The following ADAM22 variants were observed in gnomAD, a reference collection of about 807,000 sequenced individuals.
ADAM22 encodes the protein ADAM metallopeptidase domain 22, also known as disintegrin and metalloproteinase domain-containing protein 22.
A neutral mutation model predicts 144.6 loss-of-function variants in ADAM22; 65 were observed. The ratio of observed to expected loss-of-function variants is 0.45; its 90% confidence interval spans 0.37 to 0.55. The LOEUF (loss-of-function observed/expected upper bound fraction) is 0.55. ADAM22 is among the 20% of genes least tolerant of loss of function. The pLI, the probability that ADAM22 is intolerant of heterozygous loss-of-function variation, is 0.00. For missense variants in ADAM22, 974 were observed against 1,184.9 expected, an observed-to-expected ratio of 0.82 and a Z score of 2.61; for synonymous variants, 391 against 412.6, an observed-to-expected ratio of 0.95 and a Z score of 0.63.
intron 2 of ADAM22, among the ~76,000 whole-genome samples, chr7:87,939,538 C>T (rs1842044821): frequency 6.6e-6 from 1 of 152,150 alleles, no homozygotes; most frequent in South Asian, 2.1e-4. Context: ...TACTTTAGTT[C>T]ACTAGTAAAT....
At chr7:88,166,826 C>T (rs144105744) in intron 24 of ADAM22, among the ~76,000 whole-genome samples, 276 of 152,064 alleles carry the variant, frequency 1.8e-3, no homozygotes, top group Non-Finnish European at 3.0e-3. Flanking sequence ...ATTTAAATGA[C>T]GTGTCAAAAG....
intron 3 of ADAM22, among the ~76,000 whole-genome samples, chr7:87,984,814 G>A (rs1329130111): frequency 1.3e-5 from 2 of 151,880 alleles, no homozygotes; most frequent in East Asian, 1.9e-4. Context: ...CTGAGTAGCT[G>A]GGACTACAGG....
At chr7:88,050,061 A>C (rs1194650309) in intron 3 of ADAM22, among the ~76,000 whole-genome samples, 1 of 151,808 alleles carries the variant, frequency 6.6e-6, no homozygotes, top group East Asian at 1.9e-4. Context: ...TAATAAATAT[A>C]ATGTAAATTT....
At chr7:88,165,766 G>T in intron 23 of ADAM22, 66 bp from the exon 24 acceptor site, 2 of 1,063,722 alleles carry the variant, frequency 1.9e-6, no homozygotes. Context: ...TAAGAAATTA[G>T]TGTTTATTTT....
intron 5 of ADAM22, among the ~76,000 whole-genome samples, chr7:88,109,745 AC>A (rs1825525335): frequency 6.6e-6 from 1 of 151,728 alleles, no homozygotes; most frequent in Non-Finnish European, 1.5e-5. Flanking sequence ...AAAAAAAAAA[AC>A]AAAACTGGGA....
At chr7:88,044,707 A>G (rs981129986) in intron 3 of ADAM22, among the ~76,000 whole-genome samples, 1 of 151,434 alleles carries the variant, frequency 6.6e-6, no homozygotes, top group Non-Finnish European at 1.5e-5. Flanking sequence ...CGGTCTCCCA[A>G]AGTGCTGGGA....
chr7:88,185,668 T>C (rs749437848), intron 29 of ADAM22, among the ~76,000 whole-genome samples: 1 of 152,188 alleles, frequency 6.6e-6, no homozygotes, highest in African/African-American at 2.4e-5. Flanking sequence ...GTATTTTTGC[T>C]TGGCTCCCAG....
At chr7:88,114,075 A>G (rs58485074) in intron 5 of ADAM22, among the ~76,000 whole-genome samples, 3,353 of 152,170 alleles carry the variant, frequency 0.022, 136 homozygotes, top group African/African-American at 0.077. Flanking sequence ...AGTGTAAAGT[A>G]TTTAGCTTGT....
intron 3 of ADAM22, among the ~76,000 whole-genome samples, chr7:88,051,236 A>G (rs186905079): frequency 0.03 from 4,527 of 152,328 alleles, 218 homozygotes; most frequent in African/African-American, 0.1. Context: ...ATGCTGCTAT[A>G]AAGACACATG....
intron 25 of ADAM22, 101 bp downstream of exon 25, chr7:88,168,328 C>A: frequency 8.3e-7 from 1 of 1,203,448 alleles, no homozygotes; most frequent in Non-Finnish European, 1.2e-6. Context: ...GTTGAATATA[C>A]TTGCAATGAA....
Position 88,199,455 on chromosome 7 carries a change from A to G in ADAM22, c.*2964A>G, listed in dbSNP as rs1329821775. Reference sequence around the variant, plus strand: ...GTCTCTCCAGTAAGTGTGAACAGGAAGGCATGGGATAGAAGAGAGTCCTTA... The same window carrying G: ...GTCTCTCCAGTAAGTGTGAACAGGAGGGCATGGGATAGAAGAGAGTCCTTA... On this transcript the variant is annotated 3_prime_UTR_variant, in exon 32 of 32. Coordinates refer to ENST00000413139, the MANE Select transcript of ADAM22 (RefSeq NM_001324418.2). 6.6e-6 allele frequency: 1 copy of G among 152,244 alleles called. No individual in the cohort carries two copies. Among genetic ancestry groups the G allele is most frequent in the African/African-American group, 2.4e-5 (1 of 41,456 alleles). The allele number at this position is 152,244 out of a possible 1,614,324, so 9.4% of individuals were successfully genotyped here.
At chr7:88,073,275 C>CT (rs1293106143) in intron 3 of ADAM22, among the ~76,000 whole-genome samples, 6 of 152,082 alleles carry the variant, frequency 3.9e-5, no homozygotes, top group South Asian at 2.1e-4. Context: ...AAATACAAGG[C>CT]TTTTTTTCTT....
chr7:87,972,633 C>T (rs937436251), intron 2 of ADAM22, among the ~76,000 whole-genome samples: 4 of 152,184 alleles, frequency 2.6e-5, no homozygotes, highest in African/African-American at 4.8e-5. Context: ...CAAGTCAATC[C>T]TAAGCCAAAA....
At chr7:87,982,701 T>TATATATATATATATAA (rs1554373733) in intron 3 of ADAM22, among the ~76,000 whole-genome samples, 601 of 33,514 alleles carry the variant, frequency 0.018, 13 homozygotes, top group African/African-American at 0.025. Flanking sequence ...ATATATATAA[T>TATATATATATATATAA]TTTTTTTTTT....
chr7:87,997,432 A>G (rs1430354275), intron 3 of ADAM22, among the ~76,000 whole-genome samples: 2 of 152,284 alleles, frequency 1.3e-5, no homozygotes, highest in African/African-American at 4.8e-5. Flanking sequence ...GTCTGGGTAC[A>G]GTGAAGCTCA....
At chr7:87,936,464 A>G (rs1236084069) in intron 2 of ADAM22, among the ~76,000 whole-genome samples, 3 of 152,188 alleles carry the variant, frequency 2.0e-5, no homozygotes, top group Non-Finnish European at 4.4e-5. Context: ...TTTCTGTGGA[A>G]GGATATTTTC....
At chr7:88,117,482 T>C (rs1417271827) in intron 7 of ADAM22, among the ~76,000 whole-genome samples, 1 of 152,202 alleles carries the variant, frequency 6.6e-6, no homozygotes, top group African/African-American at 2.4e-5. Flanking sequence ...CGCTTCCAAG[T>C]CTTCACATGA....
intron 1 of ADAM22, 86 bp downstream of exon 1, chr7:87,934,636 C>T (rs1272645869): frequency 3.9e-6 from 5 of 1,282,346 alleles, no homozygotes; most frequent in East Asian, 5.3e-5. Context: ...AGGGGGCATC[C>T]CCATTTCCCG....
At chr7:87,998,422 G>A (rs573719390) in intron 3 of ADAM22, among the ~76,000 whole-genome samples, 28 of 152,218 alleles carry the variant, frequency 1.8e-4, no homozygotes, top group African/African-American at 5.5e-4. Context: ...ACAGGGTCTT[G>A]CTCTGTTGCT....
Sources: allele counts gnomAD v4.1 joint callset (sites outside exome capture counted in the v4.1 genomes callset), GRCh38; gene constraint gnomAD v4.1.1; transcripts MANE v1.5; gene names NCBI Gene and HGNC (gene_info 2026-07-23, HGNC 2026-07-21).